The following NEBL variants were observed in gnomAD, a reference collection of about 807,000 sequenced individuals.
NEBL encodes the protein LIM and SH3 protein 2.
NEBL carries 122 observed loss-of-function variants against 140.2 expected under a neutral mutation model. That is an observed-to-expected ratio of 0.87 (90% CI 0.75 to 1.01). The LOEUF (loss-of-function observed/expected upper bound fraction) is 1.01, where lower values mean the gene tolerates loss of function less well. Ranked by LOEUF, NEBL falls within the 50% of genes least tolerant of loss-of-function variation. The pLI is 0.00. For synonymous variants in NEBL, 436 were observed against 398.9 expected (o/e 1.09, Z -1.11); for missense variants, 1,365 against 1,231.3 (o/e 1.11, Z -1.62).
chr10:21,084,767 C>T (rs10828185), intron 2 of NEBL, among the ~76,000 whole-genome samples: 44,282 of 151,970 alleles, frequency 0.29, 9,039 homozygotes, highest in African/African-American at 0.58. Flanking sequence ...CTCCCTCCTG[C>T]TCCATTGCCA....
chr10:20,995,129 A>G (rs536862979), intron 3 of NEBL, among the ~76,000 whole-genome samples: 2 of 152,212 alleles, frequency 1.3e-5, no homozygotes, highest in Non-Finnish European at 2.9e-5. Flanking sequence ...CAAAGTCTGA[A>G]CGTCAGGACA....
intron 26 of NEBL, among the ~76,000 whole-genome samples, chr10:20,795,271 C>T: frequency 6.6e-6 from 1 of 152,192 alleles, no homozygotes; most frequent in African/African-American, 2.4e-5. Context: ...AGTTTAAATG[C>T]ACAGGATATG....
At chr10:20,993,991 A>C (rs966790769) in intron 3 of NEBL, among the ~76,000 whole-genome samples, 1 of 152,174 alleles carries the variant, frequency 6.6e-6, no homozygotes, top group African/African-American at 2.4e-5. Context: ...CACAATGTCA[A>C]ATTAAACCAC....
At chr10:21,227,531 C>T (rs1224518441) in intron 3 of NEBL, among the ~76,000 whole-genome samples, 2 of 152,230 alleles carry the variant, frequency 1.3e-5, no homozygotes, top group African/African-American at 4.8e-5. Flanking sequence ...AGGTGTTTGA[C>T]TTTCCACCCT....
chr10:20,869,736 T>A lies in NEBL; in HGVS notation c.582+4A>T. On this transcript the variant is annotated splice_donor_region_variant and intron_variant, in intron 6 of 27. Coordinates refer to ENST00000377122, the MANE Select transcript of NEBL (RefSeq NM_006393.3). ...TCCGTTCAAGGTTTAGAAAGAGAAG[T>A]TACATTGCTTATGATCTTAGAGATC... 6.3e-7 allele frequency: 1 copy of A among 1,592,212 alleles called. No individual in the cohort carries two copies. The highest frequency in any genetic ancestry group is 8.6e-7 in the Non-Finnish European group (1 of 1,160,174).
At chr10:20,839,137 A>G (rs960488258) in intron 13 of NEBL, among the ~76,000 whole-genome samples, 4 of 152,076 alleles carry the variant, frequency 2.6e-5, no homozygotes, top group Non-Finnish European at 5.9e-5. Context: ...CAGTTTTTCA[A>G]TCTTATTCTC....
intron 4 of NEBL, among the ~76,000 whole-genome samples, chr10:20,933,280 A>G (rs1834293229): frequency 6.6e-6 from 1 of 152,158 alleles, no homozygotes; most frequent in Non-Finnish European, 1.5e-5. Context: ...AGAAAGTGTC[A>G]ATTTTTTAAG....
chr10:20,899,456 A>G (rs1847750099), upstream of NEBL: 12 of 1,293,266 alleles, frequency 9.3e-6, no homozygotes, highest in African/African-American at 1.5e-5. Context: ...CTGTGCTGCA[A>G]GAAAATAAGC....
At position 21,086,395 on chromosome 10, in the gene NEBL, G is replaced by C. The variant is rs763511761; in HGVS notation, c.165-66194C>G. ...CAGATGGCTATAGCTGCTCCCTATA[G>C]GTTTCCTCTCAAACATAAAAGTTAT... On this transcript the variant is annotated intron_variant, in intron 2 of 6. Coordinates refer to the NEBL transcript ENST00000417816. Among the ~76,000 whole-genome samples the C allele has an allele frequency of 2.6e-4, 40 of 152,146 alleles. 1 individual carries two copies. The highest frequency in any genetic ancestry group is 3.2e-3 in the Middle Eastern group (1 of 316).
chr10:21,275,321 T>G (rs1235391123), intron 1 of NEBL, among the ~76,000 whole-genome samples: 1 of 152,226 alleles, frequency 6.6e-6, no homozygotes, highest in African/African-American at 2.4e-5. Flanking sequence ...GGGCGTTTTC[T>G]GTCTCAGGCT....
intron 2 of NEBL, among the ~76,000 whole-genome samples, chr10:21,032,765 G>T (rs1377818005): frequency 1.3e-5 from 2 of 152,114 alleles, no homozygotes; most frequent in African/African-American, 4.8e-5. Context: ...TCTCTAAAGG[G>T]CAGTCAATAA....
Position 20,924,433 on chromosome 10 carries a change from A to AG in NEBL, c.357+37238_357+37239insC, listed in dbSNP as rs1404609158. Among the ~76,000 whole-genome samples, 5 of 150,668 alleles carry AG rather than the reference A, an allele frequency of 3.3e-5. No individual in the cohort carries two copies. The East Asian group carries it at 9.7e-4, about 29-fold the overall frequency. On this transcript the variant is annotated intron_variant, in intron 4 of 6. Transcript: ENST00000417816. ...TGAAGTAAAAAAAAAAAAAAAAAAA[A>AG]AAAAAGGCTACACCTTTCCTTTGCT...
intron 4 of NEBL, among the ~76,000 whole-genome samples, chr10:20,952,922 A>AAG (rs1554811814): frequency 2.0e-4 from 30 of 149,200 alleles, no homozygotes; most frequent in African/African-American, 6.6e-4. Context: ...AAAAAAAAAA[A>AAG]AAAGAAAAAG....
intron 4 of NEBL, among the ~76,000 whole-genome samples, chr10:20,919,906 CA>C (rs944884226): frequency 6.6e-6 from 1 of 151,944 alleles, no homozygotes; most frequent in Non-Finnish European, 1.5e-5. Context: ...AGCAAGGTAG[CA>C]GGGGGAAATT....
At chr10:21,239,161 G>T (rs1355265686) in intron 3 of NEBL, among the ~76,000 whole-genome samples, 1 of 152,040 alleles carries the variant, frequency 6.6e-6, no homozygotes, top group Non-Finnish European at 1.5e-5. Context: ...GCCTGGGTTG[G>T]TTATCTCTAC....
At chr10:21,065,887 T>C (rs1180667018) in intron 2 of NEBL, among the ~76,000 whole-genome samples, 1 of 152,184 alleles carries the variant, frequency 6.6e-6, no homozygotes, top group East Asian at 1.9e-4. Flanking sequence ...GGGAGGGTGA[T>C]GGGTTTCAAC....
intron 4 of NEBL, among the ~76,000 whole-genome samples, chr10:20,959,696 C>T (rs1835964031): frequency 6.6e-6 from 1 of 151,956 alleles, no homozygotes; most frequent in Non-Finnish European, 1.5e-5. Flanking sequence ...TTACAGCTAT[C>T]CAAACATTTA....
intron 3 of NEBL, among the ~76,000 whole-genome samples, chr10:20,889,128 G>A (rs45594837): frequency 0.043 from 6,510 of 152,280 alleles, 220 homozygotes; most frequent in Middle Eastern, 0.092. Flanking sequence ...AACACTAGAG[G>A]TCAGTCATTT....
At chr10:20,958,850 T>G (rs1237198567) in intron 4 of NEBL, among the ~76,000 whole-genome samples, 1 of 152,166 alleles carries the variant, frequency 6.6e-6, no homozygotes, top group Non-Finnish European at 1.5e-5. Context: ...TCTCACCTCG[T>G]TCATCACACT....
Sources: gnomAD v4.1 joint callset for allele counts (sites outside exome capture counted in the v4.1 genomes callset) on GRCh38, gnomAD v4.1.1 for gene constraint, MANE v1.5 for transcripts, NCBI Gene and HGNC (gene_info 2026-07-23, HGNC 2026-07-21) for gene names.